ANK3: variants seen among roughly 807,000 people sequenced by gnomAD.
The protein encoded by ANK3 is ankyrin-3.
A neutral mutation model predicts 370.9 loss-of-function variants in ANK3; 57 were observed. The ratio of observed to expected loss-of-function variants is 0.15; its 90% CI spans 0.12 to 0.19. The LOEUF is 0.19. Among genes scored for constraint, ANK3 ranks in the 10% least tolerant of loss-of-function variants. The pLI, the probability that ANK3 is intolerant of heterozygous loss-of-function variation, is 1.00. For synonymous variants in ANK3, 1,929 were observed against 1,946.3 expected, an observed-to-expected ratio of 0.99 and a Z score of 0.23; for missense variants, 4,439 against 5,302.1, an observed-to-expected ratio of 0.84 and a Z score of 5.06.
intron 1 of ANK3, among the ~76,000 whole-genome samples, chr10:60,364,027 C>T (rs2059042902): frequency 6.9e-6 from 1 of 145,838 alleles, no homozygotes; most frequent in African/African-American, 2.6e-5. Flanking sequence ...GGCTCAGTGG[C>T]TCAAGCCTGT....
chr10:60,617,391 C>T (rs2078280665), intron 1 of ANK3, among the ~76,000 whole-genome samples: 1 of 152,094 alleles, frequency 6.6e-6, no homozygotes, highest in African/African-American at 2.4e-5. Flanking sequence ...CCACCTCTCA[C>T]AGACTTTCCC....
chr10:60,370,860 T>C (rs2060012048), intron 1 of ANK3, among the ~76,000 whole-genome samples: 1 of 152,208 alleles, frequency 6.6e-6, no homozygotes, highest in Non-Finnish European at 1.5e-5. Context: ...TGAGATAACA[T>C]TTCTTACTTT....
At chr10:60,244,824 C>G (rs1049430824) in intron 7 of ANK3, among the ~76,000 whole-genome samples, 1 of 152,202 alleles carries the variant, frequency 6.6e-6, no homozygotes, top group Non-Finnish European at 1.5e-5. Context: ...TGCTAACTCT[C>G]CAGCACATAA....
chr10:60,242,820 A>G (rs1294363010), intron 7 of ANK3, among the ~76,000 whole-genome samples: 1 of 152,160 alleles, frequency 6.6e-6, no homozygotes, highest in Non-Finnish European at 1.5e-5. Flanking sequence ...AGTACTATCG[A>G]ATGTTTTTCT....
chr10:60,720,339 G>A (rs543134551), intron 1 of ANK3, among the ~76,000 whole-genome samples: 2 of 152,204 alleles, frequency 1.3e-5, no homozygotes, highest in South Asian at 2.1e-4. Context: ...TAAAGATGAG[G>A]AAATGGGTCT....
intron 5 of ANK3, among the ~76,000 whole-genome samples, chr10:60,267,669 T>C (rs1454833627): frequency 6.6e-6 from 1 of 152,188 alleles, no homozygotes; most frequent in Non-Finnish European, 1.5e-5. Context: ...GAGTTACTGG[T>C]AATTGGTTTA....
At chr10:60,654,090 A>G (rs1224131939) in intron 1 of ANK3, among the ~76,000 whole-genome samples, 1 of 152,174 alleles carries the variant, frequency 6.6e-6, no homozygotes, top group African/African-American at 2.4e-5. Context: ...GCTATTGTAA[A>G]TGAATCTGTT....
intron 8 of ANK3, among the ~76,000 whole-genome samples, chr10:60,216,773 G>A (rs1565748018): frequency 6.6e-6 from 1 of 152,130 alleles, no homozygotes; most frequent in South Asian, 2.1e-4. Flanking sequence ...GATGATGCTG[G>A]CTTCATAAAA....
chr10:60,235,568 T>G (rs2097317702), intron 7 of ANK3, among the ~76,000 whole-genome samples: 1 of 148,688 alleles, frequency 6.7e-6, no homozygotes, highest in South Asian at 2.1e-4. Flanking sequence ...TTTTTTTTTT[T>G]TTTTTTTTCT....
rs180798231 is a variant in ANK3 at position 60,076,182 on chromosome 10, C to T, written c.4699G>A (p.Val1567Met). 312 of 1,614,156 alleles carry T rather than the reference C, an allele frequency of 1.9e-4. No homozygotes were observed. The Admixed American group carries it at 2.8e-3, about 14-fold the overall frequency. The change falls in exon 37 of 44, where the codon GTG becomes ATG. Residue 1567 changes from valine (V) to methionine (M), a missense_variant. Val to Met is a conservative substitution (Grantham distance 21, BLOSUM62 1). Coordinates refer to ENST00000280772, the MANE Select transcript of ANK3 (RefSeq NM_020987.5). ...CGAAAGGATCTAATTGGAGATGCCACGTCACTAATGGATTTAACTGAAGAT... is the reference window on the plus strand; with the variant it reads ...CGAAAGGATCTAATTGGAGATGCCATGTCACTAATGGATTTAACTGAAGAT... ...TTSSVKSISD[V>M]ASPIRSFRTM...
At chr10:60,318,074 T>C (rs538112600) in intron 1 of ANK3, among the ~76,000 whole-genome samples, 170 of 152,270 alleles carry the variant, frequency 1.1e-3, no homozygotes, top group African/African-American at 4.0e-3. Context: ...ATGGTTTATT[T>C]TGGGTTATCT....
chr10:60,727,553 G>A (rs555759909), intron 1 of ANK3, among the ~76,000 whole-genome samples: 3 of 152,264 alleles, frequency 2.0e-5, no homozygotes, highest in Admixed American at 1.3e-4. Flanking sequence ...TTTATTGTAT[G>A]TGAATTATAC....
intron 2 of ANK3, among the ~76,000 whole-genome samples, chr10:60,442,475 T>C (rs1324053736): frequency 6.6e-6 from 1 of 152,342 alleles, no homozygotes; most frequent in East Asian, 1.9e-4. Flanking sequence ...GTGGTTGTTA[T>C]ATTGTGTTTA....
chr10:60,583,515 T>G (rs2077785633), intron 2 of ANK3, among the ~76,000 whole-genome samples: 1 of 123,548 alleles, frequency 8.1e-6, no homozygotes, highest in African/African-American at 2.8e-5. Context: ...TTTTTTGTTT[T>G]TTGTTTTTTG....
At chr10:60,604,766 G>T (rs1366711244) in intron 2 of ANK3, among the ~76,000 whole-genome samples, 2 of 152,142 alleles carry the variant, frequency 1.3e-5, no homozygotes, top group African/African-American at 4.8e-5. Context: ...TTCAATGAGT[G>T]GCCACCACCT....
intron 2 of ANK3, among the ~76,000 whole-genome samples, chr10:60,611,461 T>C (rs1442691852): frequency 6.6e-6 from 1 of 152,202 alleles, no homozygotes; most frequent in African/African-American, 2.4e-5. Context: ...CCCTGACTTC[T>C]TCTGAGTGTA....
At chr10:60,210,917 C>A (rs1435902623) in intron 9 of ANK3, among the ~76,000 whole-genome samples, 1 of 152,112 alleles carries the variant, frequency 6.6e-6, no homozygotes, top group Non-Finnish European at 1.5e-5. Flanking sequence ...GTAGCACTAC[C>A]CAATTTCCAT....
At chr10:60,091,942 G>A (rs574257019) in intron 28 of ANK3, among the ~76,000 whole-genome samples, 1 of 152,186 alleles carries the variant, frequency 6.6e-6, no homozygotes, top group Admixed American at 6.5e-5. Context: ...TGTTGGCCAG[G>A]ATGGTCTCGA....
chr10:60,666,370 T>C (rs80166730), intron 1 of ANK3, among the ~76,000 whole-genome samples: 1,655 of 151,960 alleles, frequency 0.011, 26 homozygotes, highest in African/African-American at 0.038. Flanking sequence ...AGACAGAAAG[T>C]AGATGAGGTT....
Sources: allele counts gnomAD v4.1 joint callset (sites outside exome capture counted in the v4.1 genomes callset), GRCh38; gene constraint gnomAD v4.1.1; transcripts MANE v1.5; gene names NCBI Gene and HGNC (gene_info 2026-07-23, HGNC 2026-07-21).